The following RAPGEF4 variants were observed in gnomAD, a reference collection of about 807,000 sequenced individuals.
The protein encoded by RAPGEF4 is RAP guanine-nucleotide-exchange factor (GEF) 4.
A neutral mutation model predicts 147.9 loss-of-function variants in RAPGEF4; 66 were observed. The observed-to-expected ratio is 0.45, with a 90% CI of 0.37 to 0.55. The LOEUF is 0.55. Ranked by LOEUF, RAPGEF4 falls within the 20% of genes least tolerant of loss-of-function variation. The pLI, the probability that RAPGEF4 is intolerant of heterozygous loss-of-function variation, is 0.00. For missense variants in RAPGEF4, 1,071 were observed against 1,257.3 expected (o/e 0.85, Z 2.24); for synonymous variants, 419 against 442.7 (o/e 0.95, Z 0.67).
intron 23 of RAPGEF4, among the ~76,000 whole-genome samples, chr2:173,025,984 C>T (rs1207331203): frequency 6.6e-6 from 1 of 152,170 alleles, no homozygotes; most frequent in Non-Finnish European, 1.5e-5. Flanking sequence ...CATAACCATG[C>T]GAATAACATC....
At chr2:172,922,359 A>G (rs1684859712) in intron 6 of RAPGEF4, 59 bp downstream of exon 6, 1 of 1,473,314 alleles carries the variant, frequency 6.8e-7, no homozygotes, top group Admixed American at 1.7e-5. Flanking sequence ...AAAAATAATC[A>G]TGGTAACCCT....
At chr2:173,051,558 T>C (rs1686244083) in intron 30 of RAPGEF4, 82 bp from the exon 31 acceptor site, 1 of 1,432,138 alleles carries the variant, frequency 7.0e-7, no homozygotes, top group Non-Finnish European at 9.5e-7. Flanking sequence ...ATGATAAATG[T>C]AATAAATAAT....
chr2:172,859,461 A>G (rs1693781628), intron 4 of RAPGEF4, among the ~76,000 whole-genome samples: 1 of 152,242 alleles, frequency 6.6e-6, no homozygotes, highest in African/African-American at 2.4e-5. Flanking sequence ...AATTAAATAC[A>G]GCCTTTAGCT....
At chr2:172,902,443 C>G (rs1699172160) in intron 4 of RAPGEF4, among the ~76,000 whole-genome samples, 1 of 152,114 alleles carries the variant, frequency 6.6e-6, no homozygotes. Context: ...GCTGGGACTA[C>G]AGGCATGCCC....
At chr2:173,051,324 G>C (rs1244764390) in intron 30 of RAPGEF4, among the ~76,000 whole-genome samples, 3 of 152,166 alleles carry the variant, frequency 2.0e-5, no homozygotes, top group Admixed American at 2.0e-4. Context: ...TCTGGAAAGG[G>C]AAACAATTTT....
intron 4 of RAPGEF4, among the ~76,000 whole-genome samples, chr2:172,908,125 C>T (rs532258975): frequency 6.6e-6 from 1 of 152,342 alleles, no homozygotes; most frequent in South Asian, 2.1e-4. Context: ...TACATAATGC[C>T]TGGGGTCTAT....
At chr2:172,999,327 G>T (rs565273199) in intron 16 of RAPGEF4, among the ~76,000 whole-genome samples, 1 of 152,232 alleles carries the variant, frequency 6.6e-6, no homozygotes, top group Admixed American at 6.5e-5. Context: ...AAATACAAAT[G>T]TGCCTCCCTC....
At chr2:172,885,531 G>A (rs779617742) in intron 4 of RAPGEF4, among the ~76,000 whole-genome samples, 2 of 152,184 alleles carry the variant, frequency 1.3e-5, no homozygotes, top group African/African-American at 2.4e-5. Context: ...ACAGTTCCAC[G>A]TGGCTGGGAA....
intron 4 of RAPGEF4, among the ~76,000 whole-genome samples, chr2:172,865,846 G>GTA (rs1012474150): frequency 6.6e-6 from 1 of 151,842 alleles, no homozygotes; most frequent in African/African-American, 2.4e-5. Flanking sequence ...ATGTGTGTGT[G>GTA]TATATATATA....
At chr2:172,781,633 A>G (rs1036934847) in intron 1 of RAPGEF4, among the ~76,000 whole-genome samples, 6 of 152,110 alleles carry the variant, frequency 3.9e-5, no homozygotes, top group African/African-American at 1.4e-4. Context: ...GTCCTGGGGT[A>G]CCCATGGGAG....
intron 5 of RAPGEF4, among the ~76,000 whole-genome samples, chr2:172,919,521 A>G (rs903841669): frequency 2.0e-5 from 3 of 152,066 alleles, no homozygotes; most frequent in East Asian, 3.9e-4. Flanking sequence ...GGTCTCTTCC[A>G]TAGGTACTTC....
chr2:172,950,587 A>G (rs375137720), intron 6 of RAPGEF4, among the ~76,000 whole-genome samples: 1 of 152,082 alleles, frequency 6.6e-6, no homozygotes, highest in Admixed American at 6.6e-5. Flanking sequence ...TATATAATGA[A>G]TTTGGTTGAG....
At chr2:172,943,944 G>A (rs1243497681) in intron 6 of RAPGEF4, among the ~76,000 whole-genome samples, 1 of 152,176 alleles carries the variant, frequency 6.6e-6, no homozygotes, top group Admixed American at 6.5e-5. Flanking sequence ...ATGGCTACTT[G>A]AGTAAGAAGA....
intron 23 of RAPGEF4, among the ~76,000 whole-genome samples, chr2:173,025,082 A>G (rs1379266433): frequency 6.6e-6 from 1 of 152,198 alleles, no homozygotes; most frequent in Non-Finnish European, 1.5e-5. Context: ...CCAAAAATTC[A>G]TTCATGTTCC....
At chr2:172,905,447 A>T (rs1204902949) in intron 4 of RAPGEF4, among the ~76,000 whole-genome samples, 1 of 152,192 alleles carries the variant, frequency 6.6e-6, no homozygotes, top group Non-Finnish European at 1.5e-5. Flanking sequence ...AGACTTGGCT[A>T]AACTATTATT....
At chr2:172,842,237 G>A in intron 4 of RAPGEF4, among the ~76,000 whole-genome samples, 1 of 152,164 alleles carries the variant, frequency 6.6e-6, no homozygotes, top group East Asian at 1.9e-4. Flanking sequence ...TGCTATTCAA[G>A]CTTCAAGCTA....
chr2:172,919,390 C>G (rs1390271839), intron 5 of RAPGEF4, among the ~76,000 whole-genome samples: 1 of 152,146 alleles, frequency 6.6e-6, no homozygotes, highest in Non-Finnish European at 1.5e-5. Flanking sequence ...TTACCAGTGA[C>G]CAACCAATAA....
At chr2:172,983,647 G>T in intron 11 of RAPGEF4, 67 bp downstream of exon 11, 1 of 1,576,392 alleles carries the variant, frequency 6.3e-7, no homozygotes, top group South Asian at 1.2e-5. Context: ...GGACAGAGGA[G>T]AGTATTACGG....
intron 10 of RAPGEF4, among the ~76,000 whole-genome samples, chr2:172,968,850 A>G (rs1265269809): frequency 6.6e-6 from 1 of 152,116 alleles, no homozygotes; most frequent in Non-Finnish European, 1.5e-5. Flanking sequence ...GAACACCACC[A>G]TTTTAAGCCA....
Sources: gnomAD v4.1 joint callset for allele counts (sites outside exome capture counted in the v4.1 genomes callset) on GRCh38, gnomAD v4.1.1 for gene constraint, MANE v1.5 for transcripts, NCBI Gene and HGNC (gene_info 2026-07-23, HGNC 2026-07-21) for gene names.